CAP2: variants seen among roughly 807,000 people sequenced by gnomAD.
CAP2 encodes cyclase associated actin cytoskeleton regulatory protein 2, also known as adenylyl cyclase-associated protein 2.
CAP2 carries 24 observed loss-of-function variants against 57.7 expected under a neutral mutation model. The ratio of observed to expected loss-of-function variants is 0.42; its 90% CI spans 0.30 to 0.58. CAP2 has a LOEUF of 0.58. CAP2 is among the 20% of genes least tolerant of loss of function. CAP2 has a pLI of 0.22. For synonymous variants in CAP2, 194 were observed against 207.2 expected (o/e 0.94, Z 0.55); for missense variants, 501 against 590.3 (o/e 0.85, Z 1.57).
chr6:17,409,434 TA>T lies in CAP2; in HGVS notation c.-1-12120del, dbSNP rs1486543095. 3.3e-5 allele frequency among the ~76,000 whole-genome samples: 5 copies of T among 151,880 alleles called. No individual in the cohort carries two copies. In the South Asian group the frequency reaches 8.3e-4, roughly 25 times the overall value. ...CATTGTGTCTGGAAGATAGAGGAGG[TA>T]GTAACACTTACCATGATAATTCAGG... On this transcript the variant is annotated intron_variant, in intron 1 of 12. Coordinates refer to ENST00000229922, the MANE Select transcript of CAP2 (RefSeq NM_006366.3).
intron 2 of CAP2, among the ~76,000 whole-genome samples, chr6:17,422,571 A>G (rs1005593200): frequency 6.6e-6 from 1 of 151,950 alleles, no homozygotes; most frequent in Non-Finnish European, 1.5e-5. Context: ...AGATGGTCTC[A>G]ATCTCCTGAC....
intron 4 of CAP2, among the ~76,000 whole-genome samples, chr6:17,470,182 G>A (rs780823865): frequency 1.3e-5 from 2 of 151,982 alleles, no homozygotes; most frequent in Non-Finnish European, 2.9e-5. Flanking sequence ...TCTTTTTCTC[G>A]GTATCTACTG....
At chr6:17,471,565 G>C (rs1761019233) in intron 4 of CAP2, among the ~76,000 whole-genome samples, 1 of 152,178 alleles carries the variant, frequency 6.6e-6, no homozygotes, top group Admixed American at 6.5e-5. Flanking sequence ...GGGCACGGTG[G>C]CTCAAGCCTG....
rs1761416541 is a variant in CAP2, at chr6:17,486,237, G to A, written c.301-20932G>A. 2.0e-5 allele frequency among the ~76,000 whole-genome samples: 3 copies of A among 152,208 alleles called. No homozygotes were observed. In the South Asian group the frequency reaches 6.2e-4, roughly 31 times the overall value. ...GAAAAACTCTGCAAAATCTTGGGAA[G>A]TAGAATTCAAGGAAGTTGTGACAGT... On this transcript the variant is annotated intron_variant, in intron 4 of 12. Coordinates refer to ENST00000229922, the MANE Select transcript of CAP2 (RefSeq NM_006366.3).
intron 4 of CAP2, among the ~76,000 whole-genome samples, chr6:17,475,388 G>A (rs533705682): frequency 6.6e-6 from 1 of 152,288 alleles, no homozygotes; most frequent in East Asian, 1.9e-4. Flanking sequence ...GTAAGTCCTG[G>A]ATCAGCCTTG....
intron 4 of CAP2, among the ~76,000 whole-genome samples, chr6:17,480,515 T>C (rs546106856): frequency 6.6e-6 from 1 of 152,210 alleles, no homozygotes; most frequent in Admixed American, 6.5e-5. Flanking sequence ...GTAATAAGTA[T>C]TGAGCTGTTG....
At chr6:17,552,648 A>G (rs2113712787) in intron 12 of CAP2, among the ~76,000 whole-genome samples, 1 of 152,296 alleles carries the variant, frequency 6.6e-6, no homozygotes, top group East Asian at 1.9e-4. Flanking sequence ...ACAAACAAAC[A>G]AAAACAGGGA....
chr6:17,462,761 T>C (rs1471785550), intron 3 of CAP2, among the ~76,000 whole-genome samples: 6 of 152,266 alleles, frequency 3.9e-5, no homozygotes, highest in African/African-American at 1.4e-4. Flanking sequence ...AATAATATTC[T>C]GTGGTATGGA....
At chr6:17,430,407 T>C (rs1429861822) in intron 3 of CAP2, among the ~76,000 whole-genome samples, 1 of 152,258 alleles carries the variant, frequency 6.6e-6, no homozygotes, top group Non-Finnish European at 1.5e-5. Flanking sequence ...CATACATGCA[T>C]GATTTTATAA....
intron 7 of CAP2, among the ~76,000 whole-genome samples, chr6:17,526,265 G>A (rs572470006): frequency 3.3e-5 from 5 of 151,884 alleles, no homozygotes; most frequent in East Asian, 1.9e-4. Context: ...TTACAGGCAC[G>A]CACCACCATA....
At chr6:17,406,401 T>TG (rs1379590515) in intron 1 of CAP2, among the ~76,000 whole-genome samples, 1 of 138,950 alleles carries the variant, frequency 7.2e-6, no homozygotes, top group African/African-American at 3.0e-5. Context: ...CAGATTTCTT[T>TG]TTTTTTTTTT....
intron 4 of CAP2, among the ~76,000 whole-genome samples, chr6:17,480,764 GT>G (rs1475838553): frequency 6.9e-6 from 1 of 144,764 alleles, no homozygotes; most frequent in Non-Finnish European, 1.5e-5. Flanking sequence ...GCTAAATGTG[GT>G]TTTTTTGGTT....
intron 4 of CAP2, among the ~76,000 whole-genome samples, chr6:17,474,784 G>T (rs1761107443): frequency 6.6e-6 from 1 of 152,140 alleles, no homozygotes; most frequent in Admixed American, 6.5e-5. Context: ...GGGATCTTTA[G>T]AGTTGATATC....
chr6:17,521,288 G>A (rs1468265200), intron 7 of CAP2, among the ~76,000 whole-genome samples: 1 of 152,026 alleles, frequency 6.6e-6, no homozygotes, highest in Non-Finnish European at 1.5e-5. Flanking sequence ...ACAAGGTGGC[G>A]GGTGCCTGTA....
intron 4 of CAP2, among the ~76,000 whole-genome samples, chr6:17,477,053 T>C (rs988090675): frequency 3.9e-5 from 6 of 152,088 alleles, no homozygotes; most frequent in African/African-American, 7.2e-5. Context: ...GTATTTTTAG[T>C]AGAGACGGGG....
At chr6:17,556,314 C>T (rs1473384886) in intron 12 of CAP2, 45 bp from the exon 13 acceptor site, 4 of 1,366,004 alleles carry the variant, frequency 2.9e-6, no homozygotes, top group South Asian at 2.3e-5. Flanking sequence ...GTTTAAATAA[C>T]TTTGTTGTAG....
intron 1 of CAP2, among the ~76,000 whole-genome samples, chr6:17,402,490 G>C (rs1192739382): frequency 1.3e-5 from 2 of 152,204 alleles, no homozygotes; most frequent in East Asian, 3.9e-4. Flanking sequence ...AAAAGTGAAG[G>C]CCAGTCTAAT....
chr6:17,516,499 T>C (rs183199265), intron 7 of CAP2, among the ~76,000 whole-genome samples: 3 of 152,216 alleles, frequency 2.0e-5, no homozygotes, highest in Admixed American at 1.3e-4. Flanking sequence ...AGACTACAAA[T>C]TGGGTACAGT....
At chr6:17,544,299 C>T (rs1019361681) in intron 11 of CAP2, among the ~76,000 whole-genome samples, 6 of 151,836 alleles carry the variant, frequency 4.0e-5, no homozygotes, top group Non-Finnish European at 8.8e-5. Flanking sequence ...TATGATTAGC[C>T]CCATTCCAAA....
Sources: allele counts gnomAD v4.1 joint callset (sites outside exome capture counted in the v4.1 genomes callset), GRCh38; gene constraint gnomAD v4.1.1; transcripts MANE v1.5; gene names NCBI Gene and HGNC (gene_info 2026-07-23, HGNC 2026-07-21).